KCNH1: variants seen among roughly 807,000 people sequenced by gnomAD.
KCNH1 encodes the protein potassium voltage-gated channel subfamily H member 1, also known as voltage-gated delayed rectifier potassium channel KCNH1.
Under a neutral mutation model 69.2 loss-of-function variants are expected in KCNH1, and 27 were observed. The observed-to-expected ratio is 0.39, with a 90% confidence interval of 0.29 to 0.54. The LOEUF is 0.54. KCNH1 is among the 20% of genes least tolerant of loss of function. KCNH1 has a pLI of 0.68. For missense variants in KCNH1, 798 were observed against 1,261.6 expected (o/e 0.63, Z 5.57); for synonymous variants, 456 against 487.7 (o/e 0.93, Z 0.86).
intron 1 of KCNH1, among the ~76,000 whole-genome samples, chr1:211,112,960 A>G (rs1463284836): frequency 3.3e-5 from 5 of 152,246 alleles, no homozygotes; most frequent in Non-Finnish European, 5.9e-5. Context: ...ATACCATAAC[A>G]CCACATATAT....
chr1:211,094,621 G>A (rs1355626673), intron 3 of KCNH1, among the ~76,000 whole-genome samples: 2 of 152,204 alleles, frequency 1.3e-5, no homozygotes, highest in Admixed American at 6.5e-5. Flanking sequence ...TATGCACAGG[G>A]TCATGTGAAG....
At chr1:210,727,422 C>G (rs903311505) in intron 10 of KCNH1, among the ~76,000 whole-genome samples, 2 of 152,108 alleles carry the variant, frequency 1.3e-5, no homozygotes, top group African/African-American at 4.8e-5. Context: ...TGGTCTTGAA[C>G]TCCTGGCCTC....
intron 6 of KCNH1, among the ~76,000 whole-genome samples, chr1:210,997,145 G>C (rs1349146083): frequency 6.6e-6 from 1 of 152,232 alleles, no homozygotes; most frequent in African/African-American, 2.4e-5. Context: ...ACCAGCAACG[G>C]AACAAAGCTG....
intron 10 of KCNH1, among the ~76,000 whole-genome samples, chr1:210,766,062 C>CA: frequency 6.6e-6 from 1 of 151,234 alleles, no homozygotes; most frequent in African/African-American, 2.4e-5. Context: ...GACTCTGTCT[C>CA]AAAAAAGAAG....
At chr1:210,848,153 G>T (rs527752845) in intron 7 of KCNH1, among the ~76,000 whole-genome samples, 1 of 152,200 alleles carries the variant, frequency 6.6e-6, no homozygotes, top group Non-Finnish European at 1.5e-5. Context: ...GATAGTTAAA[G>T]ATAGTGTCTT....
chr1:211,051,675 G>A (rs1214017960), intron 5 of KCNH1, among the ~76,000 whole-genome samples: 1 of 152,210 alleles, frequency 6.6e-6, no homozygotes, highest in African/African-American at 2.4e-5. Flanking sequence ...GTTTGGTCTT[G>A]TAAGTCACCA....
chr1:210,709,425 A>AC (rs1387683066), intron 10 of KCNH1, among the ~76,000 whole-genome samples: 1 of 152,124 alleles, frequency 6.6e-6, no homozygotes, highest in Non-Finnish European at 1.5e-5. Context: ...GAGGGAACCA[A>AC]CCCTACAGAC....
chr1:210,815,748 C>G (rs1684800780), intron 7 of KCNH1, among the ~76,000 whole-genome samples: 1 of 152,058 alleles, frequency 6.6e-6, no homozygotes, highest in African/African-American at 2.4e-5. Flanking sequence ...ATGAACTCCC[C>G]CTACCAGGAG....
At position 211,069,492 on chromosome 1, in the gene KCNH1, C is replaced by T. The variant is rs1202083323; in HGVS notation, c.558+13288G>A. On this transcript the variant is annotated intron_variant, in intron 5 of 10. Coordinates refer to ENST00000271751, the MANE Select transcript of KCNH1 (RefSeq NM_172362.3). ...ACAACTATGATTAATTTTTTAAGGG[C>T]TCTAATAGATAAAAGTGGACAATAT... is the stretch of plus-strand genomic sequence containing the variant. 2.0e-5 allele frequency among the ~76,000 whole-genome samples: 3 copies of T among 152,020 alleles called. No homozygotes were observed. In the East Asian group the frequency reaches 5.8e-4, roughly 29 times the overall value.
chr1:211,033,466 T>TGC (rs1393410197), intron 5 of KCNH1, among the ~76,000 whole-genome samples: 70 of 152,300 alleles, frequency 4.6e-4, no homozygotes, highest in African/African-American at 1.7e-3. Flanking sequence ...CATGCACACA[T>TGC]ATGTTTATTG....
At chr1:210,851,445 T>C (rs1685701187) in intron 7 of KCNH1, among the ~76,000 whole-genome samples, 1 of 152,216 alleles carries the variant, frequency 6.6e-6, no homozygotes, top group African/African-American at 2.4e-5. Context: ...GGAACTAGAT[T>C]AGTGTCATAC....
intron 6 of KCNH1, among the ~76,000 whole-genome samples, chr1:210,963,636 A>C (rs1054723864): frequency 6.6e-6 from 1 of 152,048 alleles, no homozygotes; most frequent in Non-Finnish European, 1.5e-5. Context: ...CAAGAACTTC[A>C]TGAAGCATAC....
chr1:211,069,662 T>C (rs375680103), intron 5 of KCNH1, among the ~76,000 whole-genome samples: 2 of 151,988 alleles, frequency 1.3e-5, no homozygotes, highest in Middle Eastern at 3.4e-3. Context: ...GACATGTCAA[T>C]AGAGACCTCC....
chr1:210,958,601 T>A (rs1267275002), intron 6 of KCNH1, among the ~76,000 whole-genome samples: 1 of 152,212 alleles, frequency 6.6e-6, no homozygotes, highest in East Asian at 1.9e-4. Context: ...GGAGGCTTTG[T>A]TCATTTCTTT....
chr1:210,968,779 G>T (rs12133961), intron 6 of KCNH1, among the ~76,000 whole-genome samples: 8,913 of 152,112 alleles, frequency 0.059, 327 homozygotes, highest in East Asian at 0.18. Flanking sequence ...CCCTTTGTCA[G>T]ACGAGTAGGT....
chr1:210,781,693 G>A lies in KCNH1; in HGVS notation c.1916-6149C>T, dbSNP rs140378086. On this transcript the variant is annotated intron_variant, in intron 9 of 10. Coordinates refer to ENST00000271751, the MANE Select transcript of KCNH1 (RefSeq NM_172362.3). ...AGACCACCTGGATTATACCACCTAT[G>A]TGAAATCCAGGCCCTCTCTTCAGTT... Among the ~76,000 whole-genome samples, 410 of 152,312 alleles carry A rather than the reference G, an allele frequency of 2.7e-3. 1 individual carries two copies. The highest frequency in any genetic ancestry group is 9.3e-3 in the African/African-American group (385 of 41,572).
intron 10 of KCNH1, among the ~76,000 whole-genome samples, chr1:210,687,660 C>T (rs1681434928): frequency 6.6e-6 from 1 of 152,214 alleles, no homozygotes; most frequent in Non-Finnish European, 1.5e-5. Context: ...GCTTTGCTGA[C>T]CTGGAGTCAA....
At chr1:210,932,250 G>A (rs1304089116) in intron 6 of KCNH1, among the ~76,000 whole-genome samples, 1 of 152,064 alleles carries the variant, frequency 6.6e-6, no homozygotes, top group East Asian at 1.9e-4. Flanking sequence ...CACATATGAG[G>A]GAACTGCTCT....
At chr1:211,111,308 A>G (rs1691455875) in intron 1 of KCNH1, among the ~76,000 whole-genome samples, 1 of 151,896 alleles carries the variant, frequency 6.6e-6, no homozygotes, top group East Asian at 1.9e-4. Context: ...CAGCGGTCCC[A>G]CCGTCTGGGA....
Sources: allele counts gnomAD v4.1 joint callset (sites outside exome capture counted in the v4.1 genomes callset), GRCh38; gene constraint gnomAD v4.1.1; transcripts MANE v1.5; gene names NCBI Gene and HGNC (gene_info 2026-07-23, HGNC 2026-07-21).